The following TMEM156 variants were observed in gnomAD, a reference collection of about 807,000 sequenced individuals.
TMEM156 encodes transmembrane protein 156.
In TMEM156, 28 loss-of-function variants were observed where a neutral mutation model predicts 30.5. The ratio of observed to expected loss-of-function variants is 0.92; its 90% CI spans 0.68 to 1.26. The LOEUF is 1.26. Ranked by LOEUF, TMEM156 falls within the 50% of genes most tolerant of loss-of-function variation. TMEM156 has a pLI of 0.00. For missense variants in TMEM156, 351 were observed against 340.6 expected (o/e 1.03, Z -0.24); for synonymous variants, 137 against 119.9 (o/e 1.14, Z -0.93).
rs1358898634 is a variant in TMEM156, at chr4:38,988,756, A to G, written c.739+95T>C. 3 of 1,480,070 alleles carry G rather than the reference A, an allele frequency of 2.0e-6. No homozygotes were observed. In the African/African-American group the frequency reaches 4.2e-5, roughly 21 times the overall value. 91.7% of individuals were successfully genotyped at this position (1,480,070 alleles called of 1,614,324 possible). ...TTACCAAGAATCACCACTTATTCAC[A>G]GTAGGTGCACAAGAAATGCTAAATT... On this transcript the variant is annotated intron_variant, in intron 4 of 6. Transcript: ENST00000381938.
At chr4:38,976,890 T>TTTG (rs61299459) in intron 5 of TMEM156, among the ~76,000 whole-genome samples, 53,097 of 151,142 alleles carry the variant, frequency 0.35, 9,723 homozygotes, top group East Asian at 0.44. Flanking sequence ...ACATTGTTCT[T>TTTG]TTGTTGTTGT....
chr4:39,019,781 C>T (rs1204182581), intron 1 of TMEM156, among the ~76,000 whole-genome samples: 1 of 152,174 alleles, frequency 6.6e-6, no homozygotes. Context: ...ATATCCATCA[C>T]TCACATACCA....
Position 39,015,523 on chromosome 4 carries a change from C to G in TMEM156, c.89-16614G>C, listed in dbSNP as rs1032814941. ...GCTGGAAACAGCCAGAAAATGGATTCTAGTCTAGAGCCTCCAAAAGGAACA... is the reference window on the plus strand; with the variant it reads ...GCTGGAAACAGCCAGAAAATGGATTGTAGTCTAGAGCCTCCAAAAGGAACA... On this transcript the variant is annotated intron_variant, in intron 1 of 6. Transcript: ENST00000381938. Among the ~76,000 whole-genome samples the G allele has an allele frequency of 4.6e-5, 7 of 152,318 alleles. 1 individual carries two copies. In the South Asian group the frequency reaches 1.2e-3, roughly 27 times the overall value.
At chr4:39,018,429 T>TA (rs1193306160) in intron 1 of TMEM156, among the ~76,000 whole-genome samples, 3 of 152,182 alleles carry the variant, frequency 2.0e-5, no homozygotes, top group Admixed American at 6.5e-5. Flanking sequence ...GTTGTTGAGG[T>TA]TTTTTTCCCT....
Position 39,031,905 on chromosome 4 carries a change from A to AAAAAAAAAAAC in TMEM156, c.88+320_88+321insGTTTTTTTTTT, listed in dbSNP as rs60499521. Among the ~76,000 whole-genome samples the AAAAAAAAAAAC allele has an allele frequency of 2.2e-4, 29 of 129,252 alleles. 1 individual carries two copies. Among genetic ancestry groups the AAAAAAAAAAAC allele is most frequent in the Admixed American group, 2.5e-4 (3 of 12,002 alleles). The allele number at this position is 129,252 out of a possible 152,430, so 84.8% of individuals were successfully genotyped here. On this transcript the variant is annotated intron_variant, in intron 1 of 6. Coordinates refer to ENST00000381938, the MANE Select transcript of TMEM156 (RefSeq NM_024943.3). The stretch of plus-strand genomic sequence containing the variant: ...AAAAAAAAAAATAAAAAATAAAAAA[A>AAAAAAAAAAAC]TAAAAAAAAACTGCTTTGAAGAAAG...
chr4:39,021,609 C>T (rs1194758561), intron 1 of TMEM156, among the ~76,000 whole-genome samples: 2 of 152,104 alleles, frequency 1.3e-5, no homozygotes, highest in Non-Finnish European at 2.9e-5. Context: ...TCTTTTCACT[C>T]ATTTCCTTTG....
chr4:39,022,550 A>T (rs1247773150), intron 1 of TMEM156, among the ~76,000 whole-genome samples: 1 of 152,168 alleles, frequency 6.6e-6, no homozygotes, highest in African/African-American at 2.4e-5. Flanking sequence ...TTAACTCTAC[A>T]TTTCTAAAGT....
At chr4:39,005,803 T>C (rs1340583774) in intron 1 of TMEM156, among the ~76,000 whole-genome samples, 1 of 152,198 alleles carries the variant, frequency 6.6e-6, no homozygotes, top group African/African-American at 2.4e-5. Flanking sequence ...GTTTAATTAC[T>C]GGGTATTTAG....
chr4:39,023,617 C>A (rs772755106), intron 1 of TMEM156, among the ~76,000 whole-genome samples: 1 of 151,890 alleles, frequency 6.6e-6, no homozygotes, highest in African/African-American at 2.4e-5. Flanking sequence ...CCAAGGTGGG[C>A]GAATCACTTG....
At chr4:39,030,041 C>T (rs955945616) in intron 1 of TMEM156, among the ~76,000 whole-genome samples, 8 of 151,906 alleles carry the variant, frequency 5.3e-5, no homozygotes, top group Non-Finnish European at 1.2e-4. Context: ...AAGTAGGGTT[C>T]CTTTGAAACA....
At chr4:39,016,387 A>AAAC in intron 1 of TMEM156, among the ~76,000 whole-genome samples, 1 of 121,354 alleles carries the variant, frequency 8.2e-6, no homozygotes, top group African/African-American at 2.9e-5. Flanking sequence ...AAAAAAAAAG[A>AAAC]AGAAGAAAGA....
At chr4:39,008,167 A>T (rs145454944) in intron 1 of TMEM156, among the ~76,000 whole-genome samples, 1 of 152,296 alleles carries the variant, frequency 6.6e-6, no homozygotes, top group Non-Finnish European at 1.5e-5. Context: ...CATGTTGAAT[A>T]GAAATTATGA....
intron 2 of TMEM156, among the ~76,000 whole-genome samples, chr4:38,995,512 T>C (rs1712861629): frequency 6.6e-6 from 1 of 152,158 alleles, no homozygotes; most frequent in African/African-American, 2.4e-5. Context: ...GTCAAGAGAC[T>C]GAGATCATCC....
Position 38,993,955 on chromosome 4 carries a change from A to G in TMEM156, c.402T>C (p.Phe134=). 1 of 1,614,038 alleles carries G rather than the reference A, an allele frequency of 6.2e-7. No individual in the cohort carries two copies. Among genetic ancestry groups the G allele is most frequent in the Middle Eastern group, 1.7e-4 (1 of 6,058 alleles). ...AGTTAAAGTGCTGACAAGGTGAATG[A>G]AAATCATTTGCTTTCACTTCCATTG... is the stretch of plus-strand genomic sequence containing the variant. The part of the protein sequence containing the change: ...RGSMEVKAND[F]HSPCQHFNFS... The change falls in exon 3 of 7, where the codon TTT becomes TTC. Residue 134 remains phenylalanine, a synonymous_variant. Coordinates refer to ENST00000381938, the MANE Select transcript of TMEM156 (RefSeq NM_024943.3).
At chr4:39,011,497 C>T (rs1284263011) in intron 1 of TMEM156, among the ~76,000 whole-genome samples, 4 of 152,250 alleles carry the variant, frequency 2.6e-5, no homozygotes, top group Non-Finnish European at 5.9e-5. Flanking sequence ...GGAATCAATC[C>T]ATCAGTGGTG....
chr4:39,026,820 G>A (rs2711975), intron 1 of TMEM156, among the ~76,000 whole-genome samples: 30,379 of 151,876 alleles, frequency 0.2, 4,009 homozygotes, highest in African/African-American at 0.38. Flanking sequence ...CCAGCTACTC[G>A]GGAGGCTGAG....
intron 6 of TMEM156, 27 bp downstream of exon 6, chr4:38,971,005 A>G (rs1722569460): frequency 7.1e-7 from 1 of 1,400,344 alleles, no homozygotes; most frequent in South Asian, 1.2e-5. Flanking sequence ...ATAATGAAGA[A>G]GTCGATAAAG....
intron 4 of TMEM156, 100 bp from the exon 5 acceptor site, chr4:38,986,519 C>T: frequency 1.2e-6 from 1 of 860,892 alleles, no homozygotes; most frequent in Non-Finnish European, 1.9e-6. Flanking sequence ...AAGAATGGAG[C>T]CATTCATGGC....
At chr4:39,012,646 A>T (rs1481238205) in intron 1 of TMEM156, among the ~76,000 whole-genome samples, 1 of 152,198 alleles carries the variant, frequency 6.6e-6, no homozygotes, top group African/African-American at 2.4e-5. Flanking sequence ...TCTCTAGTAA[A>T]AATACAAAAA....
Sources: allele counts gnomAD v4.1 joint callset (sites outside exome capture counted in the v4.1 genomes callset), GRCh38; gene constraint gnomAD v4.1.1; transcripts MANE v1.5; gene names NCBI Gene and HGNC (gene_info 2026-07-23, HGNC 2026-07-21).